The following SNX25 variants were observed in gnomAD, a reference collection of about 807,000 sequenced individuals.
SNX25 encodes the protein sorting nexin 25, also known as sorting nexin-25.
A neutral mutation model predicts 113.7 loss-of-function variants in SNX25; 62 were observed. The ratio of observed to expected loss-of-function variants is 0.55; its 90% confidence interval spans 0.44 to 0.67. The LOEUF is 0.67. SNX25 is among the 30% of genes least tolerant of loss of function. SNX25 has a pLI of 0.00. For missense variants in SNX25, 1,014 were observed against 1,161.0 expected (o/e 0.87, Z 1.84); for synonymous variants, 421 against 436.2 (o/e 0.97, Z 0.43).
At chr4:185,208,566 A>G (rs1015347635), upstream of SNX25, among the ~76,000 whole-genome samples, 1 of 151,842 alleles carries the variant, frequency 6.6e-6, no homozygotes, top group African/African-American at 2.4e-5. Flanking sequence ...CGTCTCTACT[A>G]AAAATACAAA....
rs1751597549 is a variant in SNX25, at chr4:185,288,093, G to A, written c.1162+11G>A. ...TGAAGAGGCACAAAGGTAAGAGCCAGGTTGTTTTCTTCAGTTCCACATCTG... is the reference window on the plus strand; with the variant it reads ...TGAAGAGGCACAAAGGTAAGAGCCAAGTTGTTTTCTTCAGTTCCACATCTG... On this transcript the variant is annotated intron_variant, in intron 6 of 18. Transcript: ENST00000652585. The A allele has an allele frequency of 1.2e-6, 2 of 1,610,758 alleles. No individual in the cohort carries two copies. Among genetic ancestry groups the A allele is most frequent in the African/African-American group, 1.3e-5 (1 of 74,780 alleles).
At chr4:185,237,368 G>A (rs1742795986) in intron 1 of SNX25, among the ~76,000 whole-genome samples, 1 of 152,168 alleles carries the variant, frequency 6.6e-6, no homozygotes, top group Non-Finnish European at 1.5e-5. Flanking sequence ...AACATCTCCA[G>A]GGAATGTGCG....
chr4:185,276,436 A>C (rs1356534277), intron 5 of SNX25, among the ~76,000 whole-genome samples: 1 of 152,236 alleles, frequency 6.6e-6, no homozygotes, highest in Non-Finnish European at 1.5e-5. Flanking sequence ...TCTTCCTCCC[A>C]TCCCGAGGTC....
chr4:185,215,080 A>G (rs1014463424), intron 1 of SNX25, among the ~76,000 whole-genome samples: 1 of 152,068 alleles, frequency 6.6e-6, no homozygotes, highest in Admixed American at 6.5e-5. Flanking sequence ...AATACAAAAA[A>G]TTAGCCGGGC....
intron 6 of SNX25, among the ~76,000 whole-genome samples, chr4:185,299,843 T>C (rs1753380590): frequency 6.6e-6 from 1 of 152,202 alleles, no homozygotes; most frequent in South Asian, 2.1e-4. Context: ...TTTAAGGTGA[T>C]TCAAGAGTCA....
chr4:185,258,788 G>A, intron 2 of SNX25, 60 bp from the exon 3 acceptor site: 2 of 1,366,728 alleles, frequency 1.5e-6, no homozygotes, highest in African/African-American at 1.4e-5. Context: ...CAGTAGAAAT[G>A]CAGTCTTGGT....
intron 3 of SNX25, among the ~76,000 whole-genome samples, chr4:185,263,438 G>C (rs1747603453): frequency 6.6e-6 from 1 of 152,014 alleles, no homozygotes; most frequent in Non-Finnish European, 1.5e-5. Context: ...ATGCATAAAG[G>C]CTTATTCTAA....
chr4:185,276,817 C>T (rs918181173), intron 5 of SNX25, among the ~76,000 whole-genome samples: 2 of 152,186 alleles, frequency 1.3e-5, no homozygotes, highest in African/African-American at 4.8e-5. Flanking sequence ...GCTGGCTGCC[C>T]TTGGAGGCAG....
intron 16 of SNX25, among the ~76,000 whole-genome samples, chr4:185,360,789 C>T (rs780617600): frequency 1.3e-5 from 2 of 151,954 alleles, no homozygotes; most frequent in Non-Finnish European, 2.9e-5. Flanking sequence ...CATGGTGGCA[C>T]ACGCCTGTAG....
intron 1 of SNX25, among the ~76,000 whole-genome samples, chr4:185,240,092 T>G (rs377448483): frequency 3.3e-5 from 5 of 151,638 alleles, no homozygotes; most frequent in Non-Finnish European, 7.4e-5. Flanking sequence ...GGTAAGGTCA[T>G]AGATCAACAG....
At chr4:185,320,895 T>A (rs780763964) in intron 8 of SNX25, 31 bp downstream of exon 8, 16 of 1,537,458 alleles carry the variant, frequency 1.0e-5, no homozygotes, top group Admixed American at 2.1e-5. Flanking sequence ...GGAATATTAA[T>A]CACTAGCTGA....
chr4:185,252,159 TAAC>T (rs1041632036), intron 2 of SNX25, among the ~76,000 whole-genome samples: 2 of 152,250 alleles, frequency 1.3e-5, no homozygotes, highest in Admixed American at 6.5e-5. Context: ...TCAACAGCAA[TAAC>T]AACAACAAAC....
intron 1 of SNX25, among the ~76,000 whole-genome samples, chr4:185,228,334 C>T (rs1741319400): frequency 6.6e-6 from 1 of 151,622 alleles, no homozygotes. Flanking sequence ...GGAGACATGC[C>T]TGGGGGGCAG....
chr4:185,377,520 AAAC>A, the SNX25 span: 42 of 168,284 alleles, frequency 2.5e-4, no homozygotes, highest in Middle Eastern at 2.8e-3. Flanking sequence ...CTCCATCTCA[AAAC>A]AACAACAACA....
intron 1 of SNX25, among the ~76,000 whole-genome samples, chr4:185,224,852 G>T (rs1740732489): frequency 6.6e-6 from 1 of 151,480 alleles, no homozygotes; most frequent in South Asian, 2.1e-4. Flanking sequence ...TTGCTATGTG[G>T]TATAACAAAA....
At chr4:185,322,395 A>C (rs1202245195) in intron 8 of SNX25, among the ~76,000 whole-genome samples, 1 of 151,988 alleles carries the variant, frequency 6.6e-6, no homozygotes, top group Non-Finnish European at 1.5e-5. Context: ...TCACGCCACT[A>C]CACTCCAGCC....
intron 1 of SNX25, among the ~76,000 whole-genome samples, chr4:185,243,324 ACT>A (rs1302409886): frequency 6.6e-6 from 1 of 151,802 alleles, no homozygotes; most frequent in African/African-American, 2.4e-5. Context: ...TAAAGCTGAA[ACT>A]CTGCTAGGCA....
intron 5 of SNX25, among the ~76,000 whole-genome samples, chr4:185,278,598 C>A (rs568192433): frequency 2.6e-5 from 4 of 152,148 alleles, no homozygotes; most frequent in Non-Finnish European, 5.9e-5. Flanking sequence ...AATACACTTT[C>A]AGATCCTGAC....
intron 5 of SNX25, among the ~76,000 whole-genome samples, chr4:185,286,055 G>A (rs1751309219): frequency 1.3e-5 from 2 of 151,884 alleles, no homozygotes; most frequent in African/African-American, 4.8e-5. Context: ...TGGGATTATA[G>A]GCATGAGCCA....
Sources: allele counts gnomAD v4.1 joint callset (sites outside exome capture counted in the v4.1 genomes callset), GRCh38; gene constraint gnomAD v4.1.1; transcripts MANE v1.5; gene names NCBI Gene and HGNC (gene_info 2026-07-23, HGNC 2026-07-21).